The following CCSER1 variants were observed in gnomAD, a reference collection of about 807,000 sequenced individuals.
CCSER1 encodes the protein coiled-coil serine rich protein 1, also known as serine-rich coiled-coil domain-containing protein 1.
A neutral mutation model predicts 82.0 loss-of-function variants in CCSER1; 41 were observed. The observed-to-expected ratio is 0.50, with a 90% CI of 0.39 to 0.65. CCSER1 has a LOEUF of 0.65. Ranked by LOEUF, CCSER1 falls within the 30% of genes least tolerant of loss-of-function variation. The probability of loss-of-function intolerance (pLI) is 0.00; values close to 1 mark genes in which losing one functional copy is unlikely to be tolerated. For synonymous variants in CCSER1, 414 were observed against 383.9 expected, an observed-to-expected ratio of 1.08 and a Z score of -0.92; for missense variants, 1,119 against 1,064.2, an observed-to-expected ratio of 1.05 and a Z score of -0.72.
intron 5 of CCSER1, among the ~76,000 whole-genome samples, chr4:90,552,314 A>C (rs1777617125): frequency 6.6e-6 from 1 of 152,144 alleles, no homozygotes; most frequent in Non-Finnish European, 1.5e-5. Context: ...GGTTAAACTA[A>C]TGTGGTATAT....
chr4:90,815,300 C>A (rs1758854040), intron 7 of CCSER1, among the ~76,000 whole-genome samples: 1 of 152,142 alleles, frequency 6.6e-6, no homozygotes, highest in South Asian at 2.1e-4. Flanking sequence ...CCTCCCTCCA[C>A]ACGTGGGGAT....
chr4:90,698,801 G>A (rs7697418), intron 6 of CCSER1, among the ~76,000 whole-genome samples: 1,662 of 152,254 alleles, frequency 0.011, 22 homozygotes, highest in African/African-American at 0.036. Flanking sequence ...GTTACGGTTT[G>A]TAAACCAACT....
rs375479076 is a variant in CCSER1, at chr4:90,396,801, T to TTTTC, written c.1510-3215_1510-3212dup. The stretch of plus-strand genomic sequence containing the variant: ...GAAACATTGTTTTATGTCTTTCTTC[T>TTTTC]TTTCTTTCTTTCTTTCTTTCTTTTC... On this transcript the variant is annotated intron_variant, in intron 3 of 10. Transcript: ENST00000509176. Among the ~76,000 whole-genome samples the TTTTC allele has an allele frequency of 4.0e-4, 61 of 152,112 alleles. No individual in the cohort carries two copies. In the East Asian group the frequency reaches 4.8e-3, roughly 12 times the overall value.
intron 1 of CCSER1, among the ~76,000 whole-genome samples, chr4:90,157,307 T>A (rs1297866858): frequency 1.3e-5 from 2 of 152,182 alleles, no homozygotes; most frequent in Admixed American, 6.5e-5. Flanking sequence ...GCCCTTAACA[T>A]TTTTTCCTTC....
At chr4:91,221,586 T>C (rs999495884) in intron 10 of CCSER1, among the ~76,000 whole-genome samples, 7 of 152,184 alleles carry the variant, frequency 4.6e-5, no homozygotes, top group African/African-American at 1.4e-4. Context: ...AAAATATGCT[T>C]ATCTGTTAAT....
chr4:91,472,603 C>T (rs1173051389), intron 10 of CCSER1, among the ~76,000 whole-genome samples: 1 of 152,116 alleles, frequency 6.6e-6, no homozygotes, highest in South Asian at 2.1e-4. Context: ...GAAAATCTTT[C>T]TCTATAATAA....
Position 91,599,356 on chromosome 4 carries a change from C to G in CCSER1, c.*299C>G, listed in dbSNP as rs1764729501. 1 of 225,334 alleles carries G rather than the reference C, an allele frequency of 4.4e-6. No individual in the cohort carries two copies. Among genetic ancestry groups the G allele is most frequent in the African/African-American group, 2.3e-5 (1 of 43,978 alleles). 14.0% of individuals were successfully genotyped at this position (225,334 alleles called of 1,614,324 possible). ...AGTCCATAATTTATTTATTTTTTAT[C>G]TCTATCACTTACTGATATGCATTAA... On this transcript the variant is annotated 3_prime_UTR_variant, in exon 11 of 11. Transcript: ENST00000509176.
At chr4:91,238,985 G>T (rs548189001) in intron 10 of CCSER1, among the ~76,000 whole-genome samples, 2 of 152,058 alleles carry the variant, frequency 1.3e-5, no homozygotes, top group East Asian at 3.9e-4. Flanking sequence ...CACCGTGCCT[G>T]GCTAATTTTT....
chr4:90,241,772 A>G (rs1252632075), intron 1 of CCSER1, among the ~76,000 whole-genome samples: 1 of 152,232 alleles, frequency 6.6e-6, no homozygotes, highest in Non-Finnish European at 1.5e-5. Context: ...AGGAGCATTA[A>G]CATTGAGAAA....
intron 9 of CCSER1, chr4:90,938,765 C>T (rs1404816110): frequency 6.4e-6 from 2 of 313,636 alleles, no homozygotes; most frequent in East Asian, 8.6e-5. Flanking sequence ...ATAAGAAATG[C>T]ATCACTAATC....
intron 6 of CCSER1, among the ~76,000 whole-genome samples, chr4:90,661,826 C>T (rs1386142008): frequency 6.6e-6 from 1 of 151,394 alleles, no homozygotes; most frequent in Admixed American, 6.6e-5. Context: ...TAATGGAACA[C>T]AATTCCACAA....
At chr4:90,737,715 C>T (rs1043760742) in intron 7 of CCSER1, among the ~76,000 whole-genome samples, 1 of 152,120 alleles carries the variant, frequency 6.6e-6, no homozygotes, top group Admixed American at 6.6e-5. Flanking sequence ...TCTACTTCTT[C>T]TTTAAGGCCA....
At chr4:90,762,531 A>G (rs556653572) in intron 7 of CCSER1, among the ~76,000 whole-genome samples, 2 of 152,240 alleles carry the variant, frequency 1.3e-5, no homozygotes, top group South Asian at 2.1e-4. Context: ...TCTTAGTATC[A>G]TCTCTTGCAC....
At chr4:91,181,884 G>T (rs188152135) in intron 10 of CCSER1, among the ~76,000 whole-genome samples, 1 of 152,178 alleles carries the variant, frequency 6.6e-6, no homozygotes, top group Non-Finnish European at 1.5e-5. Context: ...CTGTGTCATA[G>T]AGTGATTGCA....
At chr4:90,974,223 A>G (rs1166976253) in intron 9 of CCSER1, among the ~76,000 whole-genome samples, 6 of 151,604 alleles carry the variant, frequency 4.0e-5, no homozygotes, top group Non-Finnish European at 7.4e-5. Context: ...CTCAATATCT[A>G]CAAAAAAGTA....
intron 5 of CCSER1, among the ~76,000 whole-genome samples, chr4:90,480,820 C>G (rs1765827948): frequency 6.6e-6 from 1 of 152,142 alleles, no homozygotes; most frequent in Non-Finnish European, 1.5e-5. Context: ...ATGATGCCTC[C>G]AGCTTTGTTC....
At chr4:90,794,385 A>G (rs1356649004) in intron 7 of CCSER1, among the ~76,000 whole-genome samples, 2 of 152,196 alleles carry the variant, frequency 1.3e-5, no homozygotes, top group Non-Finnish European at 2.9e-5. Context: ...GCATATAGCT[A>G]TCCAGTTATC....
At chr4:90,642,422 T>C (rs1373035852) in intron 6 of CCSER1, 6 of 152,308 alleles carry the variant, frequency 3.9e-5, no homozygotes, top group Non-Finnish European at 8.8e-5. Flanking sequence ...AATGCACTTA[T>C]TCCTTAACTG....
At chr4:91,342,345 A>T (rs1049554664) in intron 10 of CCSER1, among the ~76,000 whole-genome samples, 4 of 152,218 alleles carry the variant, frequency 2.6e-5, no homozygotes, top group African/African-American at 7.2e-5. Context: ...TAATATGGAC[A>T]TAGTAACCAT....
Sources: allele counts gnomAD v4.1 joint callset (sites outside exome capture counted in the v4.1 genomes callset), GRCh38; gene constraint gnomAD v4.1.1; transcripts MANE v1.5; gene names NCBI Gene and HGNC (gene_info 2026-07-23, HGNC 2026-07-21).